Variants in OSBPL2 observed in about 807,000 individuals in gnomAD.
OSBPL2 encodes the protein oxysterol binding protein like 2, also known as oxysterol-binding protein-related protein 2.
Under a neutral mutation model 58.4 loss-of-function variants are expected in OSBPL2, and 18 were observed. That is an observed-to-expected ratio of 0.31 (90% CI 0.21 to 0.46). OSBPL2 has a LOEUF of 0.46. OSBPL2 is among the 20% of genes least tolerant of loss of function. The pLI, the probability that OSBPL2 is intolerant of heterozygous loss-of-function variation, is 1.00. For missense variants in OSBPL2, 461 were observed against 616.5 expected (o/e 0.75, Z 2.67); for synonymous variants, 221 against 234.1 (o/e 0.94, Z 0.51).
intron 9 of OSBPL2, among the ~76,000 whole-genome samples, chr20:62,283,586 T>C (rs933292373): frequency 6.6e-6 from 1 of 152,172 alleles, no homozygotes. Context: ...CTGCACTGAT[T>C]GATAGAAAAG....
At chr20:62,271,808 A>ATCTC in intron 4 of OSBPL2, 1 of 293,284 alleles carries the variant, frequency 3.4e-6, no homozygotes, top group Non-Finnish European at 6.4e-6. Context: ...GAGGGGGCGC[A>ATCTC]GGTGGGCCCA....
intron 9 of OSBPL2, 90 bp from the exon 10 acceptor site, chr20:62,283,956 C>G: frequency 7.6e-7 from 1 of 1,319,954 alleles, no homozygotes; most frequent in Non-Finnish European, 1.1e-6. Context: ...GAAAACATAC[C>G]TGAGGGGAAT....
At position 62,278,903 on chromosome 20, in the gene OSBPL2, A is replaced by G. The variant is rs530867645; in HGVS notation, c.492-254A>G. 8 of 462,818 alleles carry G rather than the reference A, an allele frequency of 1.7e-5. No individual in the cohort carries two copies. The Middle Eastern group carries it at 1.7e-3, about 101-fold the overall frequency. 28.7% of individuals were successfully genotyped at this position (462,818 alleles called of 1,614,324 possible). The stretch of plus-strand genomic sequence containing the variant: ...TGTTGCCAACGTTAGGCCAAGTGCA[A>G]TGTCATGTTTGTGTGTGTGTGTCTG... On this transcript the variant is annotated intron_variant, in intron 6 of 13. Coordinates refer to ENST00000313733, the MANE Select transcript of OSBPL2 (RefSeq NM_144498.4).
intron 10 of OSBPL2, chr20:62,285,517 G>C (rs1356877357): frequency 6.6e-6 from 1 of 152,216 alleles, no homozygotes; most frequent in Non-Finnish European, 1.5e-5. Flanking sequence ...CAATGTGGCA[G>C]GTTTTGTCTT....
Position 62,259,858 on chromosome 20 carries a change from A to T in OSBPL2, c.38-123A>T, listed in dbSNP as rs1376126975. On this transcript the variant is annotated intron_variant, in intron 2 of 13. Transcript: ENST00000313733. ...TGGAGAACCAGAGTTAATTCTTCCA[A>T]ATGTGTCCGTTCACACAACTGAGCT... The T allele has an allele frequency of 4.7e-6, 4 of 854,212 alleles. No individual in the cohort carries two copies. The African/African-American group carries it at 6.8e-5, about 15-fold the overall frequency. The allele number at this position is 854,212 out of a possible 1,614,324, so 52.9% of individuals were successfully genotyped here.
chr20:62,272,536 G>A (rs1982129627), intron 5 of OSBPL2, among the ~76,000 whole-genome samples: 2 of 152,214 alleles, frequency 1.3e-5, no homozygotes, highest in Non-Finnish European at 2.9e-5. Flanking sequence ...TGAAGGTGGC[G>A]GTGGGCTCTG....
chr20:62,294,096 A>T lies in OSBPL2; in HGVS notation c.*209A>T. 1 of 650,586 alleles carries T rather than the reference A, an allele frequency of 1.5e-6. No individual in the cohort carries two copies. The highest frequency in any genetic ancestry group is 2.5e-6 in the Non-Finnish European group (1 of 402,194). The allele number at this position is 650,586 out of a possible 1,614,324, so 40.3% of individuals were successfully genotyped here. ...CTGTGCCGTCTCTTCATAAAGCTTC[A>T]CTTGGGATCATCGTCTTCATTAAGG... On this transcript the variant is annotated 3_prime_UTR_variant, in exon 14 of 14. Transcript: ENST00000313733.
chr20:62,266,962 C>A (rs1042910072), intron 4 of OSBPL2, among the ~76,000 whole-genome samples: 35 of 152,218 alleles, frequency 2.3e-4, no homozygotes, highest in African/African-American at 8.4e-4. Flanking sequence ...AATTTAAAAG[C>A]TGTGGGCAGG....
At chr20:62,259,746 G>A (rs541066527) in intron 2 of OSBPL2, among the ~76,000 whole-genome samples, 2 of 126,250 alleles carry the variant, frequency 1.6e-5, no homozygotes, top group South Asian at 5.5e-4. Flanking sequence ...CGTGGGAGGA[G>A]CCTGGGCACT....
At chr20:62,256,713 TG>T (rs1378771585) in intron 2 of OSBPL2, among the ~76,000 whole-genome samples, 1 of 152,220 alleles carries the variant, frequency 6.6e-6, no homozygotes, top group Non-Finnish European at 1.5e-5. Context: ...GAATGTGTTT[TG>T]GCATCCAGTC....
chr20:62,268,901 C>CA (rs1349645649), intron 4 of OSBPL2, among the ~76,000 whole-genome samples: 2 of 151,900 alleles, frequency 1.3e-5, no homozygotes, highest in African/African-American at 2.4e-5. Context: ...ACTAAAAATA[C>CA]AAAAAATTAG....
In OSBPL2 at chr20:62,269,760, G is replaced by T. The variant is rs1334961953; in HGVS notation, c.259-2365G>T. Among the ~76,000 whole-genome samples the T allele has an allele frequency of 6.6e-6, 1 of 152,242 alleles. No homozygotes were observed. Among genetic ancestry groups the T allele is most frequent in the Non-Finnish European group, 1.5e-5 (1 of 68,050 alleles). Reference sequence around the variant, plus strand: ...GGGCTTCCTTCTTTCTCTGCCACGTGTTCTTGCAGTGCCGAGCTCTGATCA... The same window carrying T: ...GGGCTTCCTTCTTTCTCTGCCACGTTTTCTTGCAGTGCCGAGCTCTGATCA... On this transcript the variant is annotated intron_variant, in intron 4 of 13. Transcript: ENST00000313733. This position sits in a 1 kb window ranked among gnomAD's most constrained non-coding sequence, Gnocchi z 4.2.
chr20:62,251,859 G>A (rs777515269), intron 1 of OSBPL2, among the ~76,000 whole-genome samples: 14 of 103,564 alleles, frequency 1.4e-4, no homozygotes, highest in Non-Finnish European at 1.9e-4. Context: ...ATTTTAATTG[G>A]TATGCCTTTT....
At position 62,295,584 on chromosome 20, in the gene OSBPL2, A is replaced by G. The variant is rs866885565; in HGVS notation, c.*1697A>G. The G allele has an allele frequency of 1.3e-5, 2 of 152,160 alleles. No homozygotes were observed. The highest frequency in any genetic ancestry group is 4.8e-5 in the African/African-American group (2 of 41,438). 9.4% of individuals were successfully genotyped at this position (152,160 alleles called of 1,614,324 possible). ...CCTATGAGCTCCGTACCAGCCACTC[A>G]AAAGTGTCTGAACAGAACCGCTCCG... On this transcript the variant is annotated 3_prime_UTR_variant, in exon 14 of 14. Coordinates refer to ENST00000313733, the MANE Select transcript of OSBPL2 (RefSeq NM_144498.4). This position sits in a 1 kb window ranked among gnomAD's most constrained non-coding sequence, Gnocchi z 4.8.
intron 3 of OSBPL2, among the ~76,000 whole-genome samples, chr20:62,261,588 C>T (rs865798583): frequency 3.9e-5 from 6 of 152,088 alleles, no homozygotes; most frequent in Non-Finnish European, 7.4e-5. Flanking sequence ...CCCCCACCCC[C>T]GCTCCTGCAT....
chr20:62,282,382 C>A (rs1982850646), intron 9 of OSBPL2, among the ~76,000 whole-genome samples: 1 of 152,314 alleles, frequency 6.6e-6, no homozygotes, highest in Middle Eastern at 3.4e-3. Flanking sequence ...ACTGTTCCAA[C>A]AAATTTTTCA....
At chr20:62,285,623 C>T (rs1983063204) in intron 10 of OSBPL2, 1 of 152,368 alleles carries the variant, frequency 6.6e-6, no homozygotes, top group African/African-American at 2.4e-5. Flanking sequence ...GTCCCAGAAC[C>T]TGCCTTCTGG....
At chr20:62,292,705 G>A (rs140508545) in intron 13 of OSBPL2, among the ~76,000 whole-genome samples, 3 of 152,264 alleles carry the variant, frequency 2.0e-5, no homozygotes, top group East Asian at 1.9e-4. Context: ...GGTAGGATTC[G>A]TTCTCAAGGC....
intron 4 of OSBPL2, among the ~76,000 whole-genome samples, chr20:62,270,570 C>T (rs1414723659): frequency 1.4e-5 from 1 of 72,306 alleles, no homozygotes; most frequent in African/African-American, 5.9e-5. Context: ...TCTGGGTCCT[C>T]TCCTTGTCCC....
Sources: allele counts gnomAD v4.1 joint callset (sites outside exome capture counted in the v4.1 genomes callset), GRCh38; gene constraint gnomAD v4.1.1; non-coding constraint Gnocchi (gnomAD v3.1); transcripts MANE v1.5; gene names NCBI Gene and HGNC (gene_info 2026-07-23, HGNC 2026-07-21).